Variants in PC observed in about 807,000 individuals in gnomAD.
PC encodes pyruvate carboxylase, mitochondrial.
In PC, 46 loss-of-function variants were observed where a neutral mutation model predicts 107.8. The ratio of observed to expected loss-of-function variants is 0.43; its 90% CI spans 0.34 to 0.55. The LOEUF (loss-of-function observed/expected upper bound fraction) is 0.55. PC is among the 20% of genes least tolerant of loss of function. PC has a pLI of 0.04. For missense variants in PC, 1,241 were observed against 1,643.1 expected, an observed-to-expected ratio of 0.76 and a Z score of 4.23; for synonymous variants, 662 against 684.7, an observed-to-expected ratio of 0.97 and a Z score of 0.52.
At chr11:66,938,683 A>G (rs1949054898) in intron 3 of PC, among the ~76,000 whole-genome samples, 1 of 152,212 alleles carries the variant, frequency 6.6e-6, no homozygotes, top group South Asian at 2.1e-4. Flanking sequence ...ATAACAAAAA[A>G]TGAGATATTA....
intron 3 of PC, among the ~76,000 whole-genome samples, chr11:66,924,203 G>GAAAAAAAAAAAA (rs538266818): frequency 1.2e-5 from 1 of 82,972 alleles, no homozygotes. Context: ...CTCTATCTCA[G>GAAAAAAAAAAAA]AAAAAAAAAA....
rs1946493163 is a variant in PC at position 66,866,335 on chromosome 11, T to C, written c.1037A>G (p.His346Arg). 1.3e-6 allele frequency: 2 copies of C among 1,594,528 alleles called. No homozygotes were observed. Among genetic ancestry groups the C allele is most frequent in the Non-Finnish European group, 1.7e-6 (2 of 1,174,316 alleles). The part of the protein sequence containing the change: ...TEEITDVDLV[H>R]AQIHVAEGRS... The stretch of plus-strand genomic sequence containing the variant: ...GCCCTCAGCCACGTGGATCTGAGCA[T>C]GGACCAGGTCTACGCTGTAGGGCAT... The change falls in exon 11 of 23, where the codon CAT (histidine) becomes CGT (arginine). Residue 346 changes from histidine (H) to arginine (R), a missense_variant. By Grantham distance (29) the His-to-Arg change is conservative (BLOSUM62 0). Around this residue, in one of 2 missense-constraint regions of PC, gnomAD observed 1,143 missense variants for 1,551.9 expected, o/e 0.74. Transcript: ENST00000393960. This position sits in a 1 kb window ranked among gnomAD's most constrained non-coding sequence, Gnocchi z 5.4.
chr11:66,855,654 A>G (rs1945762218), intron 12 of PC, among the ~76,000 whole-genome samples: 1 of 152,220 alleles, frequency 6.6e-6, no homozygotes, highest in Non-Finnish European at 1.5e-5. Context: ...GCCACTGCAC[A>G]TCAGAGTTGA....
At chr11:66,933,182 G>A (rs1948905519) in intron 3 of PC, among the ~76,000 whole-genome samples, 1 of 151,992 alleles carries the variant, frequency 6.6e-6, no homozygotes, top group Non-Finnish European at 1.5e-5. Flanking sequence ...TCTTCCAGAG[G>A]CCTCAGCCCT....
At position 66,853,229 on chromosome 11, in the gene PC, C is replaced by G. The variant is rs200660481; in HGVS notation, c.1513+10G>C. On this transcript the variant is annotated intron_variant, in intron 13 of 22. Transcript: ENST00000393960. ...AGGGGAGGGCAGGGCAGGGCAGTCT[C>G]GGGCCAGACCGAGGTAGTGCAACAG... 2.5e-6 allele frequency: 4 copies of G among 1,613,212 alleles called. No homozygotes were observed. The highest frequency in any genetic ancestry group is 1.7e-5 in the Admixed American group (1 of 59,980).
intron 12 of PC, among the ~76,000 whole-genome samples, chr11:66,862,197 G>C (rs1404610885): frequency 6.6e-6 from 1 of 152,150 alleles, no homozygotes; most frequent in Non-Finnish European, 1.5e-5. Context: ...CTGATGTCGC[G>C]ACACACCTCT....
At chr11:66,879,900 C>G (rs1410596576) in intron 3 of PC, among the ~76,000 whole-genome samples, 1 of 152,136 alleles carries the variant, frequency 6.6e-6, no homozygotes. Flanking sequence ...CTGGGGAAGG[C>G]TGTCAGGAGC....
chr11:66,937,008 A>G (rs1375337149), intron 3 of PC, among the ~76,000 whole-genome samples: 2 of 151,966 alleles, frequency 1.3e-5, no homozygotes, highest in African/African-American at 4.8e-5. Flanking sequence ...ACGCCTGGCT[A>G]ATTTTTGTAT....
Position 66,848,803 on chromosome 11 carries a change from T to C in PC, c.*96A>G, listed in dbSNP as rs1468049005. 1.3e-6 allele frequency: 2 copies of C among 1,539,852 alleles called. No individual in the cohort carries two copies. Among genetic ancestry groups the C allele is most frequent in the African/African-American group, 2.7e-5 (2 of 73,616 alleles). On this transcript the variant is annotated 3_prime_UTR_variant, in exon 23 of 23. Transcript: ENST00000393960. Reference sequence around the variant, plus strand: ...TGGACAGGACCTCCACGGCCCGGCCTTCCTGGCCTCGGGCACTGGCTGGCC... The same window carrying C: ...TGGACAGGACCTCCACGGCCCGGCCCTCCTGGCCTCGGGCACTGGCTGGCC...
intron 3 of PC, among the ~76,000 whole-genome samples, chr11:66,896,681 G>A (rs937166780): frequency 1.3e-5 from 2 of 152,176 alleles, no homozygotes; most frequent in Non-Finnish European, 2.9e-5. Context: ...GAACCTGACC[G>A]CAAGACACGA....
chr11:66,901,444 C>T (rs1031324567), intron 3 of PC, among the ~76,000 whole-genome samples: 6 of 152,168 alleles, frequency 3.9e-5, no homozygotes, highest in Non-Finnish European at 8.8e-5. Flanking sequence ...CTATTCAGCC[C>T]TCACTGGTGT....
chr11:66,898,176 T>A (rs1410751222), intron 3 of PC, among the ~76,000 whole-genome samples: 1 of 152,138 alleles, frequency 6.6e-6, no homozygotes, highest in Non-Finnish European at 1.5e-5. Flanking sequence ...TGTTCTGAGA[T>A]CCTGAAAAAG....
chr11:66,933,192 T>C (rs191096075), intron 3 of PC, among the ~76,000 whole-genome samples: 38 of 152,174 alleles, frequency 2.5e-4, no homozygotes, highest in African/African-American at 8.9e-4. Flanking sequence ...GCCTCAGCCC[T>C]TCAGCCCAGG....
Position 66,868,904 on chromosome 11 carries a change from A to T in PC, c.964T>A (p.Phe322Ile). ...TGCAGGCGGGAGTTGACCTCGATGA[A>T]GTAGTGCTTGCCGTGCCTGTCCACC... ...FLVDRHGKHYFIEVNSRLQVE... is the reference protein window; with the variant it reads ...FLVDRHGKHYIIEVNSRLQVE... Residue 322 changes from phenylalanine (F) to isoleucine (I), a missense_variant, in exon 10 of 23, where the codon TTC (phenylalanine) becomes ATC (isoleucine). Around this residue, in one of 2 missense-constraint regions of PC, gnomAD observed 1,143 missense variants for 1,551.9 expected, o/e 0.74. Coordinates refer to ENST00000393960, the MANE Select transcript of PC (RefSeq NM_001040716.2). 6.2e-7 allele frequency: 1 copy of T among 1,613,888 alleles called. No homozygotes were observed. Among genetic ancestry groups the T allele is most frequent in the African/African-American group, 1.3e-5 (1 of 75,032 alleles).
intron 3 of PC, among the ~76,000 whole-genome samples, chr11:66,890,674 A>AT (rs1253142469): frequency 6.6e-6 from 1 of 151,116 alleles, no homozygotes; most frequent in African/African-American, 2.4e-5. Flanking sequence ...CTAATTTTGT[A>AT]TTTTTAGGAG....
At chr11:66,893,358 G>C (rs1242348365) in intron 3 of PC, among the ~76,000 whole-genome samples, 1 of 152,172 alleles carries the variant, frequency 6.6e-6, no homozygotes, top group African/African-American at 2.4e-5. Context: ...GACGGGGAGT[G>C]AGGGGAGCAG....
chr11:66,849,936 C>T lies in PC; in HGVS notation c.2898+1G>A. Reference sequence around the variant, plus strand: ...CTCACACCATGCTGGGCCTTCCCTACCTTAGAGCGAAAGGGTTCGGGGAAC... The same window carrying T: ...CTCACACCATGCTGGGCCTTCCCTATCTTAGAGCGAAAGGGTTCGGGGAAC... On this transcript the variant is annotated splice_donor_variant, in intron 20 of 22. Coordinates refer to ENST00000393960, the MANE Select transcript of PC (RefSeq NM_001040716.2). LOFTEE classifies it high-confidence loss of function. 2 of 1,613,490 alleles carry T rather than the reference C, an allele frequency of 1.2e-6. No individual in the cohort carries two copies. Among genetic ancestry groups the T allele is most frequent in the East Asian group, 2.2e-5 (1 of 44,892 alleles).
intron 16 of PC, among the ~76,000 whole-genome samples, 196 bp from the exon 17 acceptor site, chr11:66,851,476 G>A (rs1945488555): frequency 6.6e-6 from 1 of 152,198 alleles, no homozygotes; most frequent in Non-Finnish European, 1.5e-5. Flanking sequence ...AGCTAGGCCA[G>A]TGGCAGGCTG....
Position 66,858,713 on chromosome 11 carries a change from C to T in PC, c.1368+5061G>A. 4 of 1,551,690 alleles carry T rather than the reference C, an allele frequency of 2.6e-6. No homozygotes were observed. The highest frequency in any genetic ancestry group is 3.5e-6 in the Non-Finnish European group (4 of 1,146,372). On this transcript the variant is annotated intron_variant, in intron 12 of 22. Coordinates refer to ENST00000393960, the MANE Select transcript of PC (RefSeq NM_001040716.2). This position sits in a 1 kb window ranked among gnomAD's most constrained non-coding sequence, Gnocchi z 5.9. The stretch of plus-strand genomic sequence containing the variant: ...TCGGTCCTGACGACCGGTTGGTTGG[C>T]AACTCCTCCCGAGCCCGGGCTTTCC...
Sources: allele counts gnomAD v4.1 joint callset (sites outside exome capture counted in the v4.1 genomes callset), GRCh38; gene constraint gnomAD v4.1.1; regional missense constraint gnomAD v4.1.1; non-coding constraint Gnocchi (gnomAD v3.1); transcripts MANE v1.5; gene names NCBI Gene and HGNC (gene_info 2026-07-23, HGNC 2026-07-21).